Variants in ST7 observed in about 807,000 individuals in gnomAD.
The protein encoded by ST7 is suppressor of tumorigenicity 7 protein.
A neutral mutation model predicts 78.7 loss-of-function variants in ST7; 28 were observed. The observed-to-expected ratio is 0.36, with a 90% CI of 0.26 to 0.49. The LOEUF is 0.49. ST7 is among the 20% of genes least tolerant of loss of function. The pLI, the probability that ST7 is intolerant of heterozygous loss-of-function variation, is 0.99. For synonymous variants in ST7, 247 were observed against 249.6 expected, an observed-to-expected ratio of 0.99 and a Z score of 0.10; for missense variants, 418 against 696.0, an observed-to-expected ratio of 0.60 and a Z score of 4.49.
chr7:117,161,170 A>G (rs907847372), intron 9 of ST7, among the ~76,000 whole-genome samples: 1 of 152,080 alleles, frequency 6.6e-6, no homozygotes, highest in African/African-American at 2.4e-5. Flanking sequence ...GGAAGAAATA[A>G]TTTTGCCTCA....
At chr7:117,112,116 A>G (rs1201958128) in intron 2 of ST7, among the ~76,000 whole-genome samples, 1 of 152,038 alleles carries the variant, frequency 6.6e-6, no homozygotes, top group African/African-American at 2.4e-5. Context: ...GTGTATATAT[A>G]TATATAACAG....
chr7:117,174,237 A>G (rs749038602), intron 10 of ST7, among the ~76,000 whole-genome samples: 65 of 152,226 alleles, frequency 4.3e-4, no homozygotes, highest in Non-Finnish European at 8.7e-4. Context: ...ATTCAACATT[A>G]TAGGTGGGCA....
chr7:117,230,080 T>A lies in ST7; in HGVS notation c.*223T>A. On this transcript the variant is annotated 3_prime_UTR_variant, in exon 16 of 16. Coordinates refer to ENST00000323984, the MANE Select transcript of ST7 (RefSeq NM_001369598.1). ...CTTCAGAAAAGAAGAAAGTCAAAAA[T>A]AAAACTTTTGTGTATTACAGCAATC... 1.4e-6 allele frequency: 1 copy of A among 705,118 alleles called. No homozygotes were observed. Among genetic ancestry groups the A allele is most frequent in the Admixed American group, 2.0e-5 (1 of 48,920 alleles). 43.7% of individuals were successfully genotyped at this position (705,118 alleles called of 1,614,324 possible).
chr7:117,009,043 G>C (rs913421705), intron 1 of ST7, among the ~76,000 whole-genome samples: 1 of 152,110 alleles, frequency 6.6e-6, no homozygotes, highest in Non-Finnish European at 1.5e-5. Flanking sequence ...TGAAACAATA[G>C]AGTAGTTGTG....
chr7:117,195,572 C>T (rs879494050), intron 12 of ST7, among the ~76,000 whole-genome samples: 2 of 152,150 alleles, frequency 1.3e-5, no homozygotes, highest in Non-Finnish European at 2.9e-5. Flanking sequence ...AACTTACATT[C>T]ATAGCGGAAG....
chr7:117,102,705 T>A (rs1338810882), intron 2 of ST7, among the ~76,000 whole-genome samples: 1 of 151,872 alleles, frequency 6.6e-6, no homozygotes, highest in African/African-American at 2.4e-5. Context: ...AGACAGAAGA[T>A]GATGAGAGAA....
intron 15 of ST7, among the ~76,000 whole-genome samples, chr7:117,228,761 C>G (rs986863532): frequency 5.3e-5 from 8 of 152,316 alleles, no homozygotes; most frequent in African/African-American, 1.4e-4. Context: ...TACACACACA[C>G]TGCACTACAC....
At chr7:117,026,127 C>A (rs547837531) in intron 1 of ST7, among the ~76,000 whole-genome samples, 1 of 152,324 alleles carries the variant, frequency 6.6e-6, no homozygotes, top group Non-Finnish European at 1.5e-5. Context: ...TTCCCCATAG[C>A]ATCCCCTTGG....
chr7:117,192,765 GT>G (rs1373552054), intron 12 of ST7, among the ~76,000 whole-genome samples: 1 of 152,062 alleles, frequency 6.6e-6, no homozygotes, highest in Non-Finnish European at 1.5e-5. Flanking sequence ...GTCTGAAATG[GT>G]TAATTGAGCC....
intron 1 of ST7, among the ~76,000 whole-genome samples, chr7:117,062,116 G>T (rs77272727): frequency 1.4e-4 from 21 of 152,264 alleles, no homozygotes; most frequent in Non-Finnish European, 2.5e-4. Context: ...AGGGGGGAAA[G>T]GTGGGAGAGA....
At chr7:117,070,685 C>A (rs1460571838) in intron 1 of ST7, among the ~76,000 whole-genome samples, 1 of 151,836 alleles carries the variant, frequency 6.6e-6, no homozygotes, top group African/African-American at 2.4e-5. Flanking sequence ...GGACTACAGG[C>A]GCCCGCCACC....
intron 1 of ST7, among the ~76,000 whole-genome samples, chr7:117,016,858 G>A (rs557655961): frequency 1.3e-5 from 2 of 152,290 alleles, no homozygotes; most frequent in African/African-American, 4.8e-5. Context: ...CATGTTTTCA[G>A]TTCATGGCAG....
intron 3 of ST7, among the ~76,000 whole-genome samples, chr7:117,120,575 G>T (rs1803288253): frequency 6.6e-6 from 1 of 152,162 alleles, no homozygotes; most frequent in South Asian, 2.1e-4. Context: ...AACATGCCAT[G>T]TTTCTCATGA....
intron 9 of ST7, among the ~76,000 whole-genome samples, chr7:117,163,018 A>G (rs984348035): frequency 8.5e-5 from 13 of 152,222 alleles, no homozygotes; most frequent in Admixed American, 7.2e-4. Flanking sequence ...GAATGAGAAC[A>G]TGCAGTGATT....
chr7:117,062,636 C>T (rs1301356143), intron 1 of ST7, among the ~76,000 whole-genome samples: 1 of 151,946 alleles, frequency 6.6e-6, no homozygotes, highest in Non-Finnish European at 1.5e-5. Context: ...TTAAATTTTT[C>T]TAAGATACAA....
At chr7:117,182,408 A>G (rs903786472) in intron 10 of ST7, among the ~76,000 whole-genome samples, 2 of 152,246 alleles carry the variant, frequency 1.3e-5, no homozygotes, top group African/African-American at 4.8e-5. Flanking sequence ...AATCAGAAAA[A>G]TGACTAATAA....
At chr7:117,083,390 G>T (rs896502368) in intron 1 of ST7, among the ~76,000 whole-genome samples, 3 of 152,080 alleles carry the variant, frequency 2.0e-5, no homozygotes, top group Non-Finnish European at 2.9e-5. Flanking sequence ...CGAGTAGTTG[G>T]GATTACAGGA....
intron 13 of ST7, among the ~76,000 whole-genome samples, chr7:117,211,345 G>A (rs749972076): frequency 6.6e-6 from 1 of 152,194 alleles, no homozygotes; most frequent in Non-Finnish European, 1.5e-5. Context: ...TCTCCACTCA[G>A]GGTGTGTGTG....
chr7:116,956,301 C>A, intron 1 of ST7: 1 of 344,918 alleles, frequency 2.9e-6, no homozygotes, highest in Non-Finnish European at 5.9e-6. Flanking sequence ...AAGGAAGGCC[C>A]AGGGAGAAAG....
Sources: gnomAD v4.1 joint callset for allele counts (sites outside exome capture counted in the v4.1 genomes callset) on GRCh38, gnomAD v4.1.1 for gene constraint, MANE v1.5 for transcripts, NCBI Gene and HGNC (gene_info 2026-07-23, HGNC 2026-07-21) for gene names.